PTPN11: variants seen among roughly 807,000 people sequenced by gnomAD.
PTPN11 encodes the protein protein tyrosine phosphatase non-receptor type 11, also known as tyrosine-protein phosphatase non-receptor type 11.
PTPN11 carries 6 observed loss-of-function variants against 78.8 expected under a neutral mutation model. That is an observed-to-expected ratio of 0.08 (90% CI 0.04 to 0.15). PTPN11 has a LOEUF of 0.15. Ranked by LOEUF, PTPN11 falls within the 10% of genes least tolerant of loss-of-function variation. The probability of loss-of-function intolerance (pLI) is 1.00; values close to 1 mark genes in which losing one functional copy is unlikely to be tolerated. For synonymous variants in PTPN11, 221 were observed against 263.5 expected (o/e 0.84, Z 1.56); for missense variants, 386 against 744.8 (o/e 0.52, Z 5.61).
At chr12:112,485,920 G>T (rs1219750297) in intron 10 of PTPN11, among the ~76,000 whole-genome samples, 1 of 151,616 alleles carries the variant, frequency 6.6e-6, no homozygotes. Context: ...GGCAGAGGTT[G>T]CAGTGAGCCA....
intron 5 of PTPN11, among the ~76,000 whole-genome samples, chr12:112,455,398 C>T (rs2038144736): frequency 6.6e-6 from 1 of 151,616 alleles, no homozygotes; most frequent in Non-Finnish European, 1.5e-5. Context: ...CTACACCCAG[C>T]TAATTTTTGT....
chr12:112,454,439 G>A, intron 4 of PTPN11, 125 bp from the exon 5 acceptor site: 1 of 794,482 alleles, frequency 1.3e-6, no homozygotes, highest in South Asian at 1.4e-5. Flanking sequence ...TCTTTTGATG[G>A]ACATTTAAGT....
At chr12:112,453,713 G>A (rs1360808145) in intron 4 of PTPN11, among the ~76,000 whole-genome samples, 1 of 141,648 alleles carries the variant, frequency 7.1e-6, no homozygotes, top group African/African-American at 2.6e-5. Context: ...ACTGGGTCTT[G>A]CTCTGTCACG....
chr12:112,501,335 G>A (rs1266119432), intron 13 of PTPN11, among the ~76,000 whole-genome samples: 1 of 152,094 alleles, frequency 6.6e-6, no homozygotes, highest in Non-Finnish European at 1.5e-5. Flanking sequence ...AGTTTTAAAG[G>A]TGGGTCAGGT....
At chr12:112,474,298 A>G (rs539014544) in intron 7 of PTPN11, among the ~76,000 whole-genome samples, 63 of 152,052 alleles carry the variant, frequency 4.1e-4, no homozygotes, top group Non-Finnish European at 7.9e-4. Flanking sequence ...GGAGGTTGCA[A>G]TGAGCCGGAG....
intron 11 of PTPN11, chr12:112,487,021 A>G: frequency 1.5e-6 from 1 of 663,860 alleles, no homozygotes; most frequent in Non-Finnish European, 2.0e-6. Context: ...AATAGGCCTG[A>G]CTCTTGAGGA....
rs989354960 is a variant in PTPN11, at chr12:112,467,496, T to A, written c.757-5448T>A. Among the ~76,000 whole-genome samples the A allele has an allele frequency of 1.8e-4, 27 of 152,018 alleles. 1 individual carries two copies. The highest frequency in any genetic ancestry group is 5.1e-4 in the African/African-American group (21 of 41,382). Reference sequence around the variant, plus strand: ...TGGGGTGGGAGCCACGCTCTTTTTTTAATTTTATTTTAATTTGAGACAGTG... The same window carrying A: ...TGGGGTGGGAGCCACGCTCTTTTTTAAATTTTATTTTAATTTGAGACAGTG... On this transcript the variant is annotated intron_variant, in intron 6 of 15. Coordinates refer to ENST00000351677, the MANE Select transcript of PTPN11 (RefSeq NM_002834.5).
At chr12:112,476,497 G>A (rs1387968939) in intron 7 of PTPN11, among the ~76,000 whole-genome samples, 1 of 152,100 alleles carries the variant, frequency 6.6e-6, no homozygotes, top group Non-Finnish European at 1.5e-5. Flanking sequence ...GGCTGGGTGC[G>A]GTGGCTCACA....
chr12:112,477,630 C>G (rs41279090), intron 7 of PTPN11, 21 bp from the exon 8 acceptor site: 36 of 1,584,700 alleles, frequency 2.3e-5, no homozygotes, highest in Non-Finnish European at 4.3e-6. Context: ...CTTATGTGAC[C>G]GTGGTCTCTT....
intron 3 of PTPN11, 134 bp downstream of exon 3, chr12:112,450,646 A>G: frequency 1.1e-6 from 1 of 883,344 alleles, no homozygotes; most frequent in Non-Finnish European, 1.8e-6. Context: ...TCTTTAAAGA[A>G]TTACTAAAGT....
At position 112,506,261 on chromosome 12, in the gene PTPN11, A is replaced by G. The variant is rs1429076663; in HGVS notation, c.*469A>G. On this transcript the variant is annotated 3_prime_UTR_variant, in exon 16 of 16. Transcript: ENST00000351677. Reference sequence around the variant, plus strand: ...ACAACGACCTAGAAAAGTGAGAACAATCTCATTTACCATCATGTATCCAGT... The same window carrying G: ...ACAACGACCTAGAAAAGTGAGAACAGTCTCATTTACCATCATGTATCCAGT... The G allele has an allele frequency of 6.6e-6, 1 of 152,174 alleles. No individual in the cohort carries two copies. The highest frequency in any genetic ancestry group is 2.1e-4 in the South Asian group (1 of 4,826). 9.4% of individuals were successfully genotyped at this position (152,174 alleles called of 1,614,324 possible).
intron 5 of PTPN11, among the ~76,000 whole-genome samples, chr12:112,455,172 G>A (rs2038138930): frequency 6.6e-6 from 1 of 150,858 alleles, no homozygotes; most frequent in African/African-American, 2.4e-5. Context: ...ATAGTACTTG[G>A]AAACATATTC....
intron 2 of PTPN11, among the ~76,000 whole-genome samples, chr12:112,446,740 A>AT (rs779244466): frequency 0.011 from 1,623 of 142,898 alleles, 19 homozygotes; most frequent in Non-Finnish European, 0.017. Context: ...TTTCTTTTCA[A>AT]TTTTTTTTTT....
At chr12:112,462,791 C>T (rs2038267858) in intron 6 of PTPN11, among the ~76,000 whole-genome samples, 1 of 152,100 alleles carries the variant, frequency 6.6e-6, no homozygotes, top group Admixed American at 6.6e-5. Flanking sequence ...TAGTAATCCA[C>T]TGTGTACTTG....
chr12:112,419,110 A>C lies in PTPN11; in HGVS notation c.-2A>C. ...GTCGCGGAGCCGGAGGGCGGGAGGAACATGACATCGCGGAGGTGAGGAGCC... is the reference window on the plus strand; with the variant it reads ...GTCGCGGAGCCGGAGGGCGGGAGGACCATGACATCGCGGAGGTGAGGAGCC... On this transcript the variant is annotated 5_prime_UTR_variant, in exon 1 of 16. Transcript: ENST00000351677. The C allele has an allele frequency of 3.9e-6, 6 of 1,528,920 alleles. No individual in the cohort carries two copies. The South Asian group carries it at 7.3e-5, about 19-fold the overall frequency. The allele number at this position is 1,528,920 out of a possible 1,614,324, so 94.7% of individuals were successfully genotyped here.
chr12:112,491,321 T>G (rs1277924881), intron 13 of PTPN11, among the ~76,000 whole-genome samples: 1 of 152,148 alleles, frequency 6.6e-6, no homozygotes, highest in Non-Finnish European at 1.5e-5. Context: ...TGTGGAATTT[T>G]CTTTACCCAG....
rs776728178 is a variant in PTPN11 at position 112,478,046 on chromosome 12, C to T, written c.1092+31C>T. 2.5e-6 allele frequency: 4 copies of T among 1,612,212 alleles called. No homozygotes were observed. In the African/African-American group the frequency reaches 5.3e-5, roughly 22 times the overall value. ...TCACAGAAACTTCTTTTCTGCTAAA[C>T]TGTTTTTAAAGTATCAGACATGTCA... On this transcript the variant is annotated intron_variant, in intron 9 of 15. Coordinates refer to ENST00000351677, the MANE Select transcript of PTPN11 (RefSeq NM_002834.5).
In PTPN11 at chr12:112,508,786, A is replaced by G. The variant is rs1315803080; in HGVS notation, c.*2994A>G. 5.3e-5 allele frequency: 8 copies of G among 152,154 alleles called. No homozygotes were observed. Among genetic ancestry groups the G allele is most frequent in the African/African-American group, 1.9e-4 (8 of 41,418 alleles). The allele number at this position is 152,154 out of a possible 1,614,324, so 9.4% of individuals were successfully genotyped here. On this transcript the variant is annotated 3_prime_UTR_variant, in exon 16 of 16. Transcript: ENST00000351677. ...TCTGAAACTTATGGTCATCTCTCCC[A>G]CTGAAACCAAGGTCTTTTCAAATGT...
At chr12:112,436,584 G>A (rs2037794841) in intron 1 of PTPN11, among the ~76,000 whole-genome samples, 1 of 152,128 alleles carries the variant, frequency 6.6e-6, no homozygotes, top group African/African-American at 2.4e-5. Flanking sequence ...CCTTACATGG[G>A]TGTTAGTCTT....
Sources: allele counts gnomAD v4.1 joint callset (sites outside exome capture counted in the v4.1 genomes callset), GRCh38; gene constraint gnomAD v4.1.1; transcripts MANE v1.5; gene names NCBI Gene and HGNC (gene_info 2026-07-23, HGNC 2026-07-21).